The following SOCS6 variants were observed in gnomAD, a reference collection of about 807,000 sequenced individuals.
SOCS6 encodes STAT induced STAT inhibitor-4.
In SOCS6, 5 loss-of-function variants were observed where a neutral mutation model predicts 27.7. The ratio of observed to expected loss-of-function variants is 0.18; its 90% CI spans 0.09 to 0.38. The LOEUF (loss-of-function observed/expected upper bound fraction) is 0.38, where lower values mean the gene tolerates loss of function less well. SOCS6 is among the 10% of genes least tolerant of loss of function. The pLI is 1.00. For synonymous variants in SOCS6, 271 were observed against 260.0 expected, an observed-to-expected ratio of 1.04 and a Z score of -0.41; for missense variants, 595 against 688.1, an observed-to-expected ratio of 0.86 and a Z score of 1.51.
At chr18:70,304,309 G>C (rs1486344571) in intron 1 of SOCS6, among the ~76,000 whole-genome samples, 1 of 152,124 alleles carries the variant, frequency 6.6e-6, no homozygotes, top group Non-Finnish European at 1.5e-5. Context: ...AAGTTTACCT[G>C]CCGTGTGATA....
chr18:70,291,855 A>G (rs1267336194), intron 1 of SOCS6, among the ~76,000 whole-genome samples: 1 of 152,228 alleles, frequency 6.6e-6, no homozygotes, highest in Non-Finnish European at 1.5e-5. Flanking sequence ...CATAAAAAGG[A>G]GAAACTTTCT....
intron 1 of SOCS6, among the ~76,000 whole-genome samples, chr18:70,305,336 C>T (rs2062364904): frequency 6.6e-6 from 1 of 152,188 alleles, no homozygotes; most frequent in African/African-American, 2.4e-5. Context: ...TCATTTGTCC[C>T]AGCACCATTT....
rs2146298874 is a variant in SOCS6, at chr18:70,324,866, C to T, written c.198C>T (p.Asn66=). 1.9e-6 allele frequency: 3 copies of T among 1,614,104 alleles called. No homozygotes were observed. The highest frequency in any genetic ancestry group is 2.5e-6 in the Non-Finnish European group (3 of 1,180,030). Residue 66 remains asparagine, a synonymous_variant, in exon 2 of 2, where the codon AAC becomes AAT. Coordinates refer to ENST00000397942, the MANE Select transcript of SOCS6 (RefSeq NM_004232.4). ...GTGAAGATGAAAAAGGCGGAAAAAA[C>T]AGATCAAAAAGCGAGAGCCTGATGG... ...INGEDEKGGK[N]RSKSESLMGT...
intron 1 of SOCS6, among the ~76,000 whole-genome samples, chr18:70,296,418 G>A (rs1236224949): frequency 1.3e-5 from 2 of 152,176 alleles, no homozygotes; most frequent in African/African-American, 4.8e-5. Flanking sequence ...GGTCCAATCT[G>A]CTTTCACCTA....
chr18:70,309,809 G>A (rs1362209008), intron 1 of SOCS6, among the ~76,000 whole-genome samples: 3 of 152,000 alleles, frequency 2.0e-5, no homozygotes, highest in Non-Finnish European at 4.4e-5. Context: ...TTGGCCTCCC[G>A]ATTAGCTGGG....
At chr18:70,307,989 C>T (rs563296255) in intron 1 of SOCS6, among the ~76,000 whole-genome samples, 11 of 152,180 alleles carry the variant, frequency 7.2e-5, no homozygotes, top group Non-Finnish European at 1.5e-4. Flanking sequence ...ACTACTTTAG[C>T]CACATCCCAT....
intron 1 of SOCS6, among the ~76,000 whole-genome samples, chr18:70,301,460 T>C (rs896591004): frequency 1.4e-5 from 2 of 143,882 alleles, no homozygotes; most frequent in African/African-American, 5.2e-5. Context: ...ATCTGATCAT[T>C]GGAAGAATGT....
chr18:70,320,482 A>T (rs1351815640), intron 1 of SOCS6, among the ~76,000 whole-genome samples: 4 of 152,186 alleles, frequency 2.6e-5, no homozygotes, highest in African/African-American at 9.7e-5. Flanking sequence ...TTCTTCTTAC[A>T]GGTAGTCCCC....
In SOCS6 at chr18:70,325,116, A is replaced by G. The variant is rs1214754412; in HGVS notation, c.448A>G (p.Lys150Glu). Residue 150 changes from lysine to glutamate, a missense_variant, in exon 2 of 2, where the codon AAG (lysine) becomes GAG (glutamate). Physicochemically the swap from Lys to Glu is moderately conservative, Grantham distance 56 (BLOSUM62 1). Transcript: ENST00000397942. This position sits in a 1 kb window ranked among gnomAD's most constrained non-coding sequence, Gnocchi z 6.3. The part of the protein sequence containing the change: ...RPTNSEETCI[K>E]MEVRVKALVH... ...CACAAACTCCGAGGAGACCTGCATC[A>G]AGATGGAGGTGAGAGTCAAGGCCTT... 6.2e-7 allele frequency: 1 copy of G among 1,613,986 alleles called. No individual in the cohort carries two copies. The highest frequency in any genetic ancestry group is 2.2e-5 in the East Asian group (1 of 44,874).
chr18:70,307,228 C>G (rs1226472337), intron 1 of SOCS6, among the ~76,000 whole-genome samples: 1 of 152,196 alleles, frequency 6.6e-6, no homozygotes, highest in East Asian at 1.9e-4. Flanking sequence ...CATCACTGCA[C>G]TCCAGCCTGG....
At chr18:70,318,708 C>T (rs1266156463) in intron 1 of SOCS6, among the ~76,000 whole-genome samples, 9 of 151,874 alleles carry the variant, frequency 5.9e-5, no homozygotes, top group Non-Finnish European at 7.4e-5. Context: ...GAGGCCAAAG[C>T]GGGTGGATCA....
At chr18:70,304,753 T>C (rs2062362104) in intron 1 of SOCS6, among the ~76,000 whole-genome samples, 1 of 152,260 alleles carries the variant, frequency 6.6e-6, no homozygotes, top group African/African-American at 2.4e-5. Flanking sequence ...TATCTTTCTT[T>C]TAATGGTTTG....
intron 1 of SOCS6, among the ~76,000 whole-genome samples, chr18:70,311,502 A>G (rs575619998): frequency 3.1e-4 from 47 of 152,250 alleles, no homozygotes; most frequent in African/African-American, 1.1e-3. Flanking sequence ...GCCTTATTTT[A>G]CCTTAAATTG....
At chr18:70,311,717 T>C (rs2062391652) in intron 1 of SOCS6, among the ~76,000 whole-genome samples, 1 of 152,238 alleles carries the variant, frequency 6.6e-6, no homozygotes, top group African/African-American at 2.4e-5. Flanking sequence ...ACAAATGAGA[T>C]GATCTTTGCA....
chr18:70,308,451 G>A (rs2062377956), intron 1 of SOCS6, among the ~76,000 whole-genome samples: 2 of 151,254 alleles, frequency 1.3e-5, no homozygotes, highest in South Asian at 2.1e-4. Context: ...TGAATTCCTG[G>A]GCTCATGTGA....
intron 1 of SOCS6, among the ~76,000 whole-genome samples, chr18:70,293,439 C>G (rs971573945): frequency 5.3e-5 from 8 of 152,148 alleles, no homozygotes; most frequent in African/African-American, 4.8e-5. Context: ...GCCCAGATCT[C>G]TTTCACTTCT....
chr18:70,289,776 G>C (rs901040546), intron 1 of SOCS6, among the ~76,000 whole-genome samples: 1 of 152,144 alleles, frequency 6.6e-6, no homozygotes, highest in Admixed American at 6.5e-5. Context: ...ACTCACCCGG[G>C]TGTAGGGACC....
intron 1 of SOCS6, among the ~76,000 whole-genome samples, chr18:70,311,198 C>G (rs1263893064): frequency 6.6e-6 from 1 of 152,156 alleles, no homozygotes; most frequent in Non-Finnish European, 1.5e-5. Context: ...GTATTCTACA[C>G]TAGAATCTAA....
intron 1 of SOCS6, among the ~76,000 whole-genome samples, chr18:70,317,931 G>A (rs2062419895): frequency 6.6e-6 from 1 of 152,136 alleles, no homozygotes; most frequent in African/African-American, 2.4e-5. Flanking sequence ...TTGGCTCACT[G>A]CAACCTCTGC....
Sources: gnomAD v4.1 joint callset for allele counts (sites outside exome capture counted in the v4.1 genomes callset) on GRCh38, gnomAD v4.1.1 for gene constraint, Gnocchi (gnomAD v3.1) non-coding constraint, MANE v1.5 for transcripts, NCBI Gene and HGNC (gene_info 2026-07-23, HGNC 2026-07-21) for gene names.